Variants in KANK1 observed in about 807,000 individuals in gnomAD.
KANK1 encodes KN motif and ankyrin repeat domains 1, also known as KN motif and ankyrin repeat domain-containing protein 1.
Under a neutral mutation model 106.2 loss-of-function variants are expected in KANK1, and 109 were observed. The observed-to-expected ratio is 1.03, with a 90% CI of 0.88 to 1.20. KANK1 has a LOEUF of 1.20. Among genes scored for constraint, KANK1 ranks in the 50% most tolerant of loss-of-function variants. KANK1 has a pLI of 0.00. For synonymous variants in KANK1, 873 were observed against 652.2 expected (o/e 1.34, Z -5.16); for missense variants, 2,399 against 1,710.7 (o/e 1.40, Z -7.10).
At chr9:667,800 G>A (rs1845000479) in intron 1 of KANK1, among the ~76,000 whole-genome samples, 2 of 150,466 alleles carry the variant, frequency 1.3e-5, no homozygotes, top group Admixed American at 6.6e-5. Flanking sequence ...GAGTGCAGTG[G>A]TGCAATCTGC....
intron 1 of KANK1, among the ~76,000 whole-genome samples, chr9:594,674 C>T (rs2135660583): frequency 6.6e-6 from 1 of 151,870 alleles, no homozygotes; most frequent in South Asian, 2.1e-4. Flanking sequence ...ATTTCCTAAA[C>T]TCTGATCCAC....
chr9:694,178 CAA>C (rs1820655731), intron 2 of KANK1, among the ~76,000 whole-genome samples: 1 of 152,066 alleles, frequency 6.6e-6, no homozygotes, highest in African/African-American at 2.4e-5. Flanking sequence ...CACTATAAAA[CAA>C]AATAAGGACA....
intron 1 of KANK1, among the ~76,000 whole-genome samples, chr9:615,126 G>T (rs950360328): frequency 6.6e-6 from 1 of 151,982 alleles, no homozygotes; most frequent in Admixed American, 6.6e-5. Flanking sequence ...TTTTGTAGAG[G>T]GTCTCCCTGT....
intron 1 of KANK1, among the ~76,000 whole-genome samples, chr9:506,739 G>A (rs932161771): frequency 3.9e-5 from 6 of 152,276 alleles, no homozygotes; most frequent in Admixed American, 3.9e-4. Context: ...CTGAGTTAAT[G>A]TGTGCATACA....
chr9:655,900 A>G (rs1842037611), intron 1 of KANK1, among the ~76,000 whole-genome samples: 1 of 152,230 alleles, frequency 6.6e-6, no homozygotes, highest in Non-Finnish European at 1.5e-5. Flanking sequence ...TGACACATGT[A>G]GTAACAGGCC....
intron 2 of KANK1, among the ~76,000 whole-genome samples, chr9:694,498 G>T (rs1017665479): frequency 6.6e-5 from 10 of 152,166 alleles, no homozygotes; most frequent in African/African-American, 2.4e-4. Flanking sequence ...AGCATAGTTG[G>T]GGTTGCACTT....
At chr9:553,114 C>G (rs2061377063) in intron 1 of KANK1, among the ~76,000 whole-genome samples, 1 of 152,102 alleles carries the variant, frequency 6.6e-6, no homozygotes, top group Admixed American at 6.6e-5. Context: ...TTACTGCACT[C>G]CAGCCTGGGT....
At chr9:516,490 A>G (rs927316903) in intron 1 of KANK1, among the ~76,000 whole-genome samples, 1 of 151,678 alleles carries the variant, frequency 6.6e-6, no homozygotes, top group Non-Finnish European at 1.5e-5. Context: ...CTAGCTCCCA[A>G]ATGAGATCAT....
chr9:659,746 G>T (rs537171632), intron 1 of KANK1, among the ~76,000 whole-genome samples: 1 of 151,886 alleles, frequency 6.6e-6, no homozygotes, highest in Non-Finnish European at 1.5e-5. Context: ...ACCAGTTCTC[G>T]GGGGAAGTCC....
chr9:575,356 A>G (rs1307651332), intron 1 of KANK1, among the ~76,000 whole-genome samples: 2 of 152,170 alleles, frequency 1.3e-5, no homozygotes, highest in South Asian at 2.1e-4. Flanking sequence ...GTACTTCATG[A>G]GACTTCTGTT....
upstream of KANK1, among the ~76,000 whole-genome samples, chr9:502,624 AG>A (rs1486819608): frequency 6.6e-6 from 1 of 151,802 alleles, no homozygotes; most frequent in Non-Finnish European, 1.5e-5. Flanking sequence ...CCCGGGTTCA[AG>A]GATTCTCCTG....
intron 1 of KANK1, among the ~76,000 whole-genome samples, chr9:530,203 G>A (rs1587549075): frequency 2.0e-5 from 3 of 152,120 alleles, no homozygotes; most frequent in South Asian, 2.1e-4. Flanking sequence ...CTTTTGATTC[G>A]GGTTATATTA....
Position 706,893 on chromosome 9 carries a change from A to C in KANK1, c.38-3911A>C, listed in dbSNP as rs370230338. 4.1e-4 allele frequency: 407 copies of C among 985,474 alleles called. 3 individuals carry two copies. The South Asian group carries it at 0.016, about 39-fold the overall frequency. The allele number at this position is 985,474 out of a possible 1,614,324, so 61.0% of individuals were successfully genotyped here. A position where few individuals can be genotyped will look rare whatever the true frequency, so the allele number is the denominator to read the frequency against. ...ATGAAGCAGTGACTAGTATAGGAAA[A>C]ACAGAGCCTCTCTGTAGAGATGCTT... On this transcript the variant is annotated intron_variant, in intron 2 of 11. Transcript: ENST00000382297.
chr9:596,730 A>C (rs931284463), intron 1 of KANK1, among the ~76,000 whole-genome samples: 1 of 151,600 alleles, frequency 6.6e-6, no homozygotes, highest in African/African-American at 2.4e-5. Flanking sequence ...ACTTTTATTT[A>C]TTTTTAATGA....
chr9:546,415 C>G (rs890739274), intron 1 of KANK1, among the ~76,000 whole-genome samples: 1 of 151,978 alleles, frequency 6.6e-6, no homozygotes, highest in Non-Finnish European at 1.5e-5. Context: ...CCCCAAACAC[C>G]AGTTGTGCTG....
intron 3 of KANK1, among the ~76,000 whole-genome samples, chr9:717,039 A>G (rs1827902384): frequency 6.6e-6 from 1 of 152,096 alleles, no homozygotes; most frequent in Admixed American, 6.6e-5. Flanking sequence ...TAATTCTAGC[A>G]TTCTGAGAGC....
chr9:509,107 T>A (rs2132748394), intron 1 of KANK1, among the ~76,000 whole-genome samples: 1 of 149,644 alleles, frequency 6.7e-6, no homozygotes, highest in East Asian at 1.9e-4. Context: ...CTATTTATTA[T>A]TTTTTTTTTG....
intron 3 of KANK1, among the ~76,000 whole-genome samples, chr9:722,721 G>C (rs1829675373): frequency 6.6e-6 from 1 of 152,208 alleles, no homozygotes; most frequent in Admixed American, 6.5e-5. Context: ...AGCCAGTTTG[G>C]AATTTAATGA....
intron 1 of KANK1, among the ~76,000 whole-genome samples, chr9:608,256 C>T (rs983543304): frequency 6.6e-6 from 1 of 150,804 alleles, no homozygotes; most frequent in Non-Finnish European, 1.5e-5. Flanking sequence ...CCAGGATGGT[C>T]TCGATCTCCT....
Sources: allele counts gnomAD v4.1 joint callset (sites outside exome capture counted in the v4.1 genomes callset), GRCh38; gene constraint gnomAD v4.1.1; transcripts MANE v1.5; gene names NCBI Gene and HGNC (gene_info 2026-07-23, HGNC 2026-07-21).